The following GNAQ variants were observed in gnomAD, a reference collection of about 807,000 sequenced individuals.
GNAQ encodes the protein G protein subunit alpha q.
A neutral mutation model predicts 43.9 loss-of-function variants in GNAQ; 8 were observed. The observed-to-expected ratio is 0.18, with a 90% CI of 0.11 to 0.33. The LOEUF is 0.33. GNAQ is among the 10% of genes least tolerant of loss of function. The probability of loss-of-function intolerance (pLI) is 1.00; values close to 1 mark genes in which losing one functional copy is unlikely to be tolerated. For synonymous variants in GNAQ, 155 were observed against 170.7 expected, an observed-to-expected ratio of 0.91 and a Z score of 0.71; for missense variants, 158 against 450.8, an observed-to-expected ratio of 0.35 and a Z score of 5.88.
At chr9:77,795,900 C>A (rs1455068082) in intron 4 of GNAQ, among the ~76,000 whole-genome samples, 1 of 152,106 alleles carries the variant, frequency 6.6e-6, no homozygotes, top group African/African-American at 2.4e-5. Context: ...AGCCAGTGTA[C>A]AAAACGTGGA....
chr9:77,987,936 G>C (rs1208655034), intron 1 of GNAQ, among the ~76,000 whole-genome samples: 1 of 152,174 alleles, frequency 6.6e-6, no homozygotes. Context: ...CCCATGAGTA[G>C]GGGGTGGTGT....
intron 2 of GNAQ, among the ~76,000 whole-genome samples, chr9:77,906,880 T>C (rs528019852): frequency 2.2e-4 from 33 of 152,336 alleles, no homozygotes; most frequent in African/African-American, 7.2e-4. Context: ...TGAACCTACA[T>C]TTGTATGTGC....
At chr9:77,897,997 T>C (rs1587394896) in intron 2 of GNAQ, among the ~76,000 whole-genome samples, 1 of 144,366 alleles carries the variant, frequency 6.9e-6, no homozygotes, top group East Asian at 2.0e-4. Flanking sequence ...ATAAAGAAAG[T>C]GAATTGTAAG....
chr9:77,792,612 C>A (rs1031864731), intron 5 of GNAQ, among the ~76,000 whole-genome samples: 2 of 152,090 alleles, frequency 1.3e-5, no homozygotes, highest in African/African-American at 4.8e-5. Context: ...CCAAAGGATT[C>A]TACTTTCTTT....
intron 2 of GNAQ, among the ~76,000 whole-genome samples, chr9:77,885,093 T>C (rs1392956267): frequency 6.6e-6 from 1 of 151,978 alleles, no homozygotes; most frequent in African/African-American, 2.4e-5. Context: ...AATAACAGAG[T>C]TTCGGATGGG....
Position 77,718,995 on chromosome 9 carries a change from C to T in GNAQ, c.*2328G>A, listed in dbSNP as rs547460857. The T allele has an allele frequency of 2.8e-4, 66 of 232,134 alleles. No homozygotes were observed. The highest frequency in any genetic ancestry group is 2.6e-3 in the Middle Eastern group (2 of 776). 14.4% of individuals were successfully genotyped at this position (232,134 alleles called of 1,614,324 possible). On this transcript the variant is annotated 3_prime_UTR_variant, in exon 7 of 7. Coordinates refer to ENST00000286548, the MANE Select transcript of GNAQ (RefSeq NM_002072.5). ...TTCCATGTTTGTATAAAAGCTCCGA[C>T]TGATTTTATGTATTTTGCTATGAAA...
At chr9:77,740,320 TTTTC>T (rs1207126256) in intron 5 of GNAQ, among the ~76,000 whole-genome samples, 1 of 152,218 alleles carries the variant, frequency 6.6e-6, no homozygotes, top group Non-Finnish European at 1.5e-5. Context: ...ACTGAAGTTC[TTTTC>T]TTTATCTTTT....
intron 5 of GNAQ, among the ~76,000 whole-genome samples, chr9:77,752,047 T>C (rs1182434525): frequency 6.6e-6 from 1 of 152,212 alleles, no homozygotes; most frequent in African/African-American, 2.4e-5. Flanking sequence ...TGGAATTGGA[T>C]GACAAAACAA....
intron 1 of GNAQ, among the ~76,000 whole-genome samples, chr9:78,009,980 GA>G (rs773933776): frequency 6.6e-5 from 10 of 152,300 alleles, no homozygotes; most frequent in South Asian, 4.1e-4. Context: ...GAAAGTTATT[GA>G]GTGCCCTTTG....
intron 5 of GNAQ, among the ~76,000 whole-genome samples, chr9:77,758,338 T>A (rs148627719): frequency 9.8e-4 from 150 of 152,324 alleles, no homozygotes; most frequent in Non-Finnish European, 2.0e-3. Flanking sequence ...ACAACTAAAT[T>A]GAAAGCCTTG....
In GNAQ at chr9:78,017,271, T is replaced by C. The variant is rs192399735; in HGVS notation, c.136+13829A>G. Among the ~76,000 whole-genome samples the C allele has an allele frequency of 5.9e-5, 9 of 152,238 alleles. No individual in the cohort carries two copies. In the East Asian group the frequency reaches 1.2e-3, roughly 20 times the overall value. The stretch of plus-strand genomic sequence containing the variant: ...GCTACCAAAGTTCGGTCACTAAATG[T>C]AAAGTTGAGACAAAAAAATGATCAA... On this transcript the variant is annotated intron_variant, in intron 1 of 6. Transcript: ENST00000286548.
chr9:77,778,214 T>TACACACAC (rs34540195), intron 5 of GNAQ, among the ~76,000 whole-genome samples: 33 of 149,616 alleles, frequency 2.2e-4, no homozygotes, highest in Admixed American at 6.7e-4. Flanking sequence ...TTTACACGTT[T>TACACACAC]ACACACACAC....
intron 2 of GNAQ, among the ~76,000 whole-genome samples, chr9:77,896,169 AT>A (rs1828499752): frequency 6.6e-6 from 1 of 152,220 alleles, no homozygotes; most frequent in Non-Finnish European, 1.5e-5. Context: ...TACCTAGTTA[AT>A]ACATGATCCC....
intron 2 of GNAQ, among the ~76,000 whole-genome samples, chr9:77,877,561 T>G (rs1828143870): frequency 6.6e-6 from 1 of 152,196 alleles, no homozygotes; most frequent in Admixed American, 6.5e-5. Context: ...AATGTATATC[T>G]TCCACCAAAT....
In GNAQ at chr9:77,716,445, G is replaced by A. The variant is rs1825228207; in HGVS notation, c.*4878C>T. 1 of 232,542 alleles carries A rather than the reference G, an allele frequency of 4.3e-6. No individual in the cohort carries two copies. Among genetic ancestry groups the A allele is most frequent in the Non-Finnish European group, 8.5e-6 (1 of 117,730 alleles). 14.4% of individuals were successfully genotyped at this position (232,542 alleles called of 1,614,324 possible). A position where few individuals can be genotyped will look rare whatever the true frequency, so the allele number is the denominator to read the frequency against. On this transcript the variant is annotated 3_prime_UTR_variant, in exon 7 of 7. Coordinates refer to ENST00000286548, the MANE Select transcript of GNAQ (RefSeq NM_002072.5). ...CTTTTAAATACTGCAAGTTAAAAAT[G>A]TTTTCTGACAAAACTCCCTAAATAC...
At chr9:77,742,115 A>G (rs1587892988) in intron 5 of GNAQ, among the ~76,000 whole-genome samples, 1 of 152,324 alleles carries the variant, frequency 6.6e-6, no homozygotes, top group Non-Finnish European at 1.5e-5. Flanking sequence ...TTGAAAAATC[A>G]GTGTCACTAC....
At chr9:77,850,546 T>C (rs1827658208) in intron 2 of GNAQ, among the ~76,000 whole-genome samples, 1 of 152,168 alleles carries the variant, frequency 6.6e-6, no homozygotes. Flanking sequence ...CCTAATCACA[T>C]CACTCACCTG....
intron 2 of GNAQ, among the ~76,000 whole-genome samples, chr9:77,819,015 A>C (rs1467269800): frequency 1.3e-5 from 2 of 148,212 alleles, no homozygotes; most frequent in Non-Finnish European, 3.0e-5. Context: ...AAAAAAAAAA[A>C]AAAAAAAAAA....
chr9:77,946,069 T>G (rs989634017), intron 1 of GNAQ, among the ~76,000 whole-genome samples: 1 of 152,056 alleles, frequency 6.6e-6, no homozygotes. Context: ...GAACAAAATA[T>G]TAGATGGGAA....
Sources: allele counts gnomAD v4.1 joint callset (sites outside exome capture counted in the v4.1 genomes callset), GRCh38; gene constraint gnomAD v4.1.1; transcripts MANE v1.5; gene names NCBI Gene and HGNC (gene_info 2026-07-23, HGNC 2026-07-21).